Variants in AMTN observed in about 807,000 individuals in gnomAD.
AMTN encodes amelotin, also known as RSTI689.
AMTN carries 29 observed loss-of-function variants against 27.4 expected under a neutral mutation model. The observed-to-expected ratio is 1.06, with a 90% confidence interval of 0.79 to 1.44. AMTN has a LOEUF of 1.44. AMTN is among the 40% of genes most tolerant of loss of function. The pLI, the probability that AMTN is intolerant of heterozygous loss-of-function variation, is 0.00. For synonymous variants in AMTN, 86 were observed against 95.7 expected (o/e 0.90, Z 0.59); for missense variants, 247 against 248.8 (o/e 0.99, Z 0.05).
intron 3 of AMTN, among the ~76,000 whole-genome samples, chr4:70,523,129 C>T (rs1736017378): frequency 6.6e-6 from 1 of 152,068 alleles, no homozygotes. Context: ...AAAGGAATAC[C>T]TACGTCTGTT....
chr4:70,521,524 T>A (rs1393511074), intron 2 of AMTN, among the ~76,000 whole-genome samples: 1 of 148,682 alleles, frequency 6.7e-6, no homozygotes, highest in East Asian at 1.9e-4. Flanking sequence ...TTGTGGGAGA[T>A]GAAAAGACTT....
chr4:70,526,577 G>T (rs1736103146), intron 5 of AMTN, among the ~76,000 whole-genome samples: 1 of 152,066 alleles, frequency 6.6e-6, no homozygotes, highest in African/African-American at 2.4e-5. Flanking sequence ...CTCTGTAAAA[G>T]ATTTAAGATG....
intron 5 of AMTN, among the ~76,000 whole-genome samples, chr4:70,525,962 A>T (rs918964343): frequency 6.6e-6 from 1 of 152,152 alleles, no homozygotes; most frequent in Admixed American, 6.5e-5. Flanking sequence ...TTACAGCAAG[A>T]CTAAGTTGTT....
chr4:70,521,205 A>C (rs7690298), intron 2 of AMTN, among the ~76,000 whole-genome samples: 102,448 of 151,560 alleles, frequency 0.68, 35,244 homozygotes, highest in African/African-American at 0.76. Flanking sequence ...ATGGTGAAAC[A>C]CCGTCCCTAC....
chr4:70,528,208 GAACTGGTTTCTA>G (rs1246831390), intron 5 of AMTN, among the ~76,000 whole-genome samples: 1 of 124,238 alleles, frequency 8.0e-6, no homozygotes, highest in East Asian at 2.1e-4. Flanking sequence ...GTGCTATCTT[GAACTGGTTTCTA>G]AATCTCTTGG....
At chr4:70,528,879 T>G in intron 6 of AMTN, 121 bp downstream of exon 6, 2 of 805,688 alleles carry the variant, frequency 2.5e-6, no homozygotes, top group Non-Finnish European at 3.8e-6. Flanking sequence ...GTATGGACAC[T>G]GATAATCACA....
chr4:70,531,306 T>C lies in AMTN; in HGVS notation c.619+6T>C. 1.2e-6 allele frequency: 2 copies of C among 1,613,224 alleles called. No homozygotes were observed. Among genetic ancestry groups the C allele is most frequent in the Non-Finnish European group, 1.7e-6 (2 of 1,179,286 alleles). On this transcript the variant is annotated splice_donor_region_variant and intron_variant, in intron 8 of 8. Transcript: ENST00000339336. ...CACCACAGAATCAGCAAATGGTAAA[T>C]TCTCCTAGCTTGGAACATGCTTCTT...
In AMTN at chr4:70,518,665, T is replaced by G; in HGVS notation, c.-16+11T>G. ...CTCGTGGACCCAAAGGTAACATTAA[T>G]TGACCATGTTTCAAGTAGAACTTTT... On this transcript the variant is annotated intron_variant, in intron 1 of 8. Transcript: ENST00000339336. The G allele has an allele frequency of 2.4e-6, 2 of 842,466 alleles. No homozygotes were observed. Among genetic ancestry groups the G allele is most frequent in the Non-Finnish European group, 2.0e-6 (1 of 509,116 alleles). 52.2% of individuals were successfully genotyped at this position (842,466 alleles called of 1,614,324 possible). A position where few individuals can be genotyped will look rare whatever the true frequency, so the allele number is the denominator to read the frequency against.
At chr4:70,532,154 A>C (rs1736239707) in intron 8 of AMTN, among the ~76,000 whole-genome samples, 1 of 152,222 alleles carries the variant, frequency 6.6e-6, no homozygotes, top group Non-Finnish European at 1.5e-5. Context: ...TACTGCAAGC[A>C]GCCACTAGTG....
At chr4:70,521,211 C>T (rs34447284) in intron 2 of AMTN, among the ~76,000 whole-genome samples, 67,503 of 151,512 alleles carry the variant, frequency 0.45, 15,790 homozygotes, top group Admixed American at 0.52. Flanking sequence ...AAACACCGTC[C>T]CTACTAAAAA....
intron 5 of AMTN, among the ~76,000 whole-genome samples, chr4:70,526,665 T>C (rs1414780688): frequency 6.6e-6 from 1 of 152,230 alleles, no homozygotes; most frequent in Non-Finnish European, 1.5e-5. Context: ...GTCTCCATTG[T>C]TGCCCTCCTC....
At chr4:70,532,357 C>T (rs1025284126) in intron 8 of AMTN, 98 bp from the exon 9 acceptor site, 8 of 920,826 alleles carry the variant, frequency 8.7e-6, no homozygotes, top group African/African-American at 1.7e-5. Flanking sequence ...GATATGGATG[C>T]TCCTAATCCT....
At chr4:70,531,339 A>C (rs748869688) in intron 8 of AMTN, 39 bp downstream of exon 8, 2 of 1,608,574 alleles carry the variant, frequency 1.2e-6, no homozygotes, top group Non-Finnish European at 1.7e-6. Context: ...CTTGGCTATA[A>C]AAGTCATCTG....
chr4:70,531,108 G>A lies in AMTN; in HGVS notation c.427G>A (p.Gly143Arg), dbSNP rs1577936221. Residue 143 changes from glycine (G) to arginine (R), a missense_variant, in exon 8 of 9, where the codon GGG becomes AGG. Transcript: ENST00000339336. The stretch of plus-strand genomic sequence containing the variant: ...AGGCATCCTGCCCACCAGTCAGGCA[G>A]GGGCTAATCCAGATGTCCAGGATGG... ...PGGILPTSQAGANPDVQDGSL... is the reference protein window; with the variant it reads ...PGGILPTSQARANPDVQDGSL... 1 of 1,614,088 alleles carries A rather than the reference G, an allele frequency of 6.2e-7. No homozygotes were observed.
intron 5 of AMTN, among the ~76,000 whole-genome samples, chr4:70,526,688 T>C (rs1030340325): frequency 2.6e-5 from 4 of 152,198 alleles, no homozygotes; most frequent in Non-Finnish European, 5.9e-5. Context: ...ACCTTGAAGG[T>C]AGACTTACTG....
rs1191118305 is a variant in AMTN, at chr4:70,518,897, C to T, written c.54+66C>T. ...ACAGCATCTCTAGCTGCAGACCTAC[C>T]TCTCTCCTGCCCTCCATCAAAACTG... On this transcript the variant is annotated intron_variant, in intron 2 of 8. Transcript: ENST00000339336. The T allele has an allele frequency of 3.9e-6, 5 of 1,272,336 alleles. No individual in the cohort carries two copies. In the African/African-American group the frequency reaches 5.8e-5, roughly 15 times the overall value. 78.8% of individuals were successfully genotyped at this position (1,272,336 alleles called of 1,614,324 possible). A position where few individuals can be genotyped will look rare whatever the true frequency, so the allele number is the denominator to read the frequency against.
intron 7 of AMTN, among the ~76,000 whole-genome samples, chr4:70,530,206 T>C (rs530431836): frequency 7.2e-6 from 1 of 138,724 alleles, no homozygotes; most frequent in African/African-American, 2.8e-5. Context: ...GCAACTACAT[T>C]TTTCATGCAG....
chr4:70,518,877 A>C, intron 2 of AMTN, 46 bp downstream of exon 2: 2 of 1,488,920 alleles, frequency 1.3e-6, no homozygotes, highest in East Asian at 2.3e-5. Flanking sequence ...TTTCAACAGC[A>C]TCTCTAGCTG....
At chr4:70,527,198 C>T (rs1426074611) in intron 5 of AMTN, among the ~76,000 whole-genome samples, 1 of 152,184 alleles carries the variant, frequency 6.6e-6, no homozygotes, top group Non-Finnish European at 1.5e-5. Flanking sequence ...ATATGGAAAA[C>T]ACTTAAAACA....
Sources: gnomAD v4.1 joint callset for allele counts (sites outside exome capture counted in the v4.1 genomes callset) on GRCh38, gnomAD v4.1.1 for gene constraint, MANE v1.5 for transcripts, NCBI Gene and HGNC (gene_info 2026-07-23, HGNC 2026-07-21) for gene names.